The following IDH2 variants were observed in gnomAD, a reference collection of about 807,000 sequenced individuals.
IDH2 encodes isocitrate dehydrogenase [NADP], mitochondrial.
A neutral mutation model predicts 50.5 loss-of-function variants in IDH2; 18 were observed. That is an observed-to-expected ratio of 0.36 (90% CI 0.25 to 0.53). IDH2 has a LOEUF of 0.53. IDH2 is among the 20% of genes least tolerant of loss of function. The pLI is 0.92. For missense variants in IDH2, 518 were observed against 610.7 expected (o/e 0.85, Z 1.60); for synonymous variants, 280 against 239.8 (o/e 1.17, Z -1.55).
chr15:90,095,783 CAG>C (rs557032962), intron 1 of IDH2, among the ~76,000 whole-genome samples: 16 of 152,278 alleles, frequency 1.1e-4, no homozygotes, highest in South Asian at 6.2e-4. Flanking sequence ...CTACAGGTAA[CAG>C]AGAGAGAGCA....
chr15:90,102,434 G>T lies in IDH2; in HGVS notation c.-44C>A. 9.0e-7 allele frequency: 1 copy of T among 1,106,866 alleles called. No homozygotes were observed. Among genetic ancestry groups the T allele is most frequent in the Non-Finnish European group, 1.1e-6 (1 of 869,574 alleles). The allele number at this position is 1,106,866 out of a possible 1,614,324, so 68.6% of individuals were successfully genotyped here. A position where few individuals can be genotyped will look rare whatever the true frequency, so the allele number is the denominator to read the frequency against. Reference sequence around the variant, plus strand: ...CGAGCAGGGCGGGAGAGGTCCGAGCGCGCGCCGCTCCTCCCGGCTGCCTGG... The same window carrying T: ...CGAGCAGGGCGGGAGAGGTCCGAGCTCGCGCCGCTCCTCCCGGCTGCCTGG... On this transcript the variant is annotated 5_prime_UTR_variant, in exon 1 of 11. Transcript: ENST00000330062.
chr15:90,086,488 G>A (rs1034038332), intron 7 of IDH2, among the ~76,000 whole-genome samples: 2 of 152,030 alleles, frequency 1.3e-5, no homozygotes, highest in African/African-American at 4.8e-5. Context: ...CCACCTCCTG[G>A]GTTCAAGAGA....
At chr15:90,093,140 G>C (rs1302668601) in intron 1 of IDH2, among the ~76,000 whole-genome samples, 1 of 152,212 alleles carries the variant, frequency 6.6e-6, no homozygotes, top group Non-Finnish European at 1.5e-5. Flanking sequence ...GGTTGTCCAG[G>C]GGCTCCTGCC....
chr15:90,087,585 G>C lies in IDH2; in HGVS notation c.679-10C>G. 4 of 1,612,770 alleles carry C rather than the reference G, an allele frequency of 2.5e-6. No individual in the cohort carries two copies. Among genetic ancestry groups the C allele is most frequent in the Non-Finnish European group, 3.4e-6 (4 of 1,180,020 alleles). On this transcript the variant is annotated splice_polypyrimidine_tract_variant and intron_variant, in intron 5 of 10. Coordinates refer to ENST00000330062, the MANE Select transcript of IDH2 (RefSeq NM_002168.4). ...CAAAACCTGAGATGGACTGCAGGGG[G>C]AGAGACAGGGCCCTGGCGTGGTGCC...
intron 5 of IDH2, 112 bp from the exon 6 acceptor site, chr15:90,087,687 A>G (rs1393002283): frequency 8.0e-7 from 1 of 1,245,450 alleles, no homozygotes; most frequent in Non-Finnish European, 1.2e-6. Context: ...CCCGCCGCCC[A>G]CGCGACTGTT....
intron 1 of IDH2, among the ~76,000 whole-genome samples, chr15:90,092,342 CTTCCT>C (rs1901061419): frequency 1.5e-5 from 1 of 64,840 alleles, no homozygotes; most frequent in African/African-American, 3.7e-5. Flanking sequence ...TCCTTACTTA[CTTCCT>C]TTCCTTTCTT....
intron 3 of IDH2, among the ~76,000 whole-genome samples, chr15:90,090,075 C>A (rs563868059): frequency 9.2e-6 from 1 of 108,814 alleles, no homozygotes; most frequent in South Asian, 2.7e-4. Context: ...GTGACCACAT[C>A]AGCATTACCT....
intron 1 of IDH2, among the ~76,000 whole-genome samples, chr15:90,097,543 GCTAA>G (rs1197861944): frequency 1.3e-5 from 2 of 152,180 alleles, no homozygotes; most frequent in East Asian, 3.8e-4. Context: ...GGGGCATTAT[GCTAA>G]CTAAGTGAAA....
At chr15:90,094,965 G>C (rs1332611368) in intron 1 of IDH2, among the ~76,000 whole-genome samples, 1 of 152,092 alleles carries the variant, frequency 6.6e-6, no homozygotes, top group Non-Finnish European at 1.5e-5. Context: ...CAGAATACCT[G>C]TGAAAAGCAG....
Position 90,088,667 on chromosome 15 carries a change from T to C in IDH2, c.454A>G (p.Ile152Val). Reference sequence around the variant, plus strand: ...AGGCGTGGGATGTTTTTGCAGATGATGGGCTCCCGGAAGACAGTCCCCCCC... The same window carrying C: ...AGGCGTGGGATGTTTTTGCAGATGACGGGCTCCCGGAAGACAGTCCCCCCC... ...ILGGTVFREPIICKNIPRLVP... is the reference protein window; with the variant it reads ...ILGGTVFREPVICKNIPRLVP... The change falls in exon 4 of 11, where the codon ATC becomes GTC. Residue 152 changes from isoleucine to valine, a missense_variant. Coordinates refer to ENST00000330062, the MANE Select transcript of IDH2 (RefSeq NM_002168.4). 1 of 1,614,146 alleles carries C rather than the reference T, an allele frequency of 6.2e-7. No individual in the cohort carries two copies. The highest frequency in any genetic ancestry group is 8.5e-7 in the Non-Finnish European group (1 of 1,180,026).
chr15:90,084,234 C>A lies in IDH2; in HGVS notation c.*32G>T. The stretch of plus-strand genomic sequence containing the variant: ...GAGGACCCGCCGGCTCAGCCCTGGC[C>A]CCTCCACTGCAGCCATGGGTGGCGC... On this transcript the variant is annotated 3_prime_UTR_variant, in exon 11 of 11. Coordinates refer to ENST00000330062, the MANE Select transcript of IDH2 (RefSeq NM_002168.4). The surrounding 1 kb of genome is among the most constrained non-coding windows in gnomAD (Gnocchi z 5.0). 6.3e-7 allele frequency: 1 copy of A among 1,594,006 alleles called. No individual in the cohort carries two copies. Among genetic ancestry groups the A allele is most frequent in the Non-Finnish European group, 8.6e-7 (1 of 1,163,814 alleles).
chr15:90,100,469 C>G lies in IDH2; in HGVS notation c.115+1807G>C, dbSNP rs1901299614. On this transcript the variant is annotated intron_variant, in intron 1 of 10. Coordinates refer to ENST00000330062, the MANE Select transcript of IDH2 (RefSeq NM_002168.4). This position sits in a 1 kb window ranked among gnomAD's most constrained non-coding sequence, Gnocchi z 4.1. The stretch of plus-strand genomic sequence containing the variant: ...CAGAAAGATCTGCACACTTAAGGGG[C>G]AAGAATTAAGAAGTTTCTGGGTTAG... 9.1e-6 allele frequency: 2 copies of G among 220,236 alleles called. No homozygotes were observed. The highest frequency in any genetic ancestry group is 2.3e-5 in the African/African-American group (1 of 42,648). 13.6% of individuals were successfully genotyped at this position (220,236 alleles called of 1,614,324 possible). A position where few individuals can be genotyped will look rare whatever the true frequency, so the allele number is the denominator to read the frequency against.
rs1182228093 is a variant in IDH2 at position 90,087,421 on chromosome 15, A to G, written c.815+18T>C. The G allele has an allele frequency of 1.2e-6, 2 of 1,614,128 alleles. No individual in the cohort carries two copies. ...GGGAAGGGAAGAAAGGCCACAGAGT[A>G]CATGGATGAGGCTTTACTTGTCAAA... is the stretch of plus-strand genomic sequence containing the variant. On this transcript the variant is annotated intron_variant, in intron 6 of 10. Coordinates refer to ENST00000330062, the MANE Select transcript of IDH2 (RefSeq NM_002168.4).
rs2151549634 is a variant in IDH2 at position 90,088,644 on chromosome 15, G to A, written c.477C>T (p.Arg159=). The A allele has an allele frequency of 1.2e-6, 2 of 1,614,222 alleles. No individual in the cohort carries two copies. Among genetic ancestry groups the A allele is most frequent in the South Asian group, 2.2e-5 (2 of 91,088 alleles). Reference sequence around the variant, plus strand: ...TGGGCTTGGTCCAGCCAGGGACTAGGCGTGGGATGTTTTTGCAGATGATGG... The same window carrying A: ...TGGGCTTGGTCCAGCCAGGGACTAGACGTGGGATGTTTTTGCAGATGATGG... The part of the protein sequence containing the change: ...REPIICKNIP[R]LVPGWTKPIT... The change falls in exon 4 of 11, where the codon CGC becomes CGT. Residue 159 remains arginine, a synonymous_variant. Coordinates refer to ENST00000330062, the MANE Select transcript of IDH2 (RefSeq NM_002168.4).
intron 1 of IDH2, among the ~76,000 whole-genome samples, chr15:90,095,771 A>G (rs1901167702): frequency 6.6e-6 from 1 of 152,192 alleles, no homozygotes; most frequent in African/African-American, 2.4e-5. Context: ...GGAAGGGGAA[A>G]CCTACAGGTA....
rs1161119818 is a variant in IDH2, at chr15:90,083,083, C to T, written c.*1183G>A. The T allele has an allele frequency of 6.4e-5, 9 of 140,466 alleles. No individual in the cohort carries two copies. The highest frequency in any genetic ancestry group is 1.5e-5 in the Non-Finnish European group (1 of 64,542). 8.7% of individuals were successfully genotyped at this position (140,466 alleles called of 1,614,324 possible). A position where few individuals can be genotyped will look rare whatever the true frequency, so the allele number is the denominator to read the frequency against. The stretch of plus-strand genomic sequence containing the variant: ...TAGCTTTAGAGCAACTTTTATTTTT[C>T]CTTTTTACATGGGGCTAAAAAACTT... On this transcript the variant is annotated 3_prime_UTR_variant, in exon 11 of 11. Transcript: ENST00000330062.
chr15:90,097,979 G>C (rs560282051), intron 1 of IDH2, among the ~76,000 whole-genome samples: 1 of 152,192 alleles, frequency 6.6e-6, no homozygotes, highest in Non-Finnish European at 1.5e-5. Context: ...GTGCCCTCCA[G>C]TGTGGCCCAG....
chr15:90,084,717 C>T lies in IDH2; in HGVS notation c.1271+99G>A. 1 of 981,498 alleles carries T rather than the reference C, an allele frequency of 1.0e-6. No homozygotes were observed. Among genetic ancestry groups the T allele is most frequent in the Non-Finnish European group, 1.6e-6 (1 of 615,864 alleles). 60.8% of individuals were successfully genotyped at this position (981,498 alleles called of 1,614,324 possible). A position where few individuals can be genotyped will look rare whatever the true frequency, so the allele number is the denominator to read the frequency against. ...TGTGGACATGTCCTGCCCCAGGCCC[C>T]CTTGCAGCTAAGCTGACTCATGAGG... On this transcript the variant is annotated intron_variant, in intron 10 of 10. Coordinates refer to ENST00000330062, the MANE Select transcript of IDH2 (RefSeq NM_002168.4). The surrounding 1 kb of genome is among the most constrained non-coding windows in gnomAD (Gnocchi z 5.0).
At position 90,088,508 on chromosome 15, in the gene IDH2, G is replaced by A. The variant is rs760220786; in HGVS notation, c.535-6C>T. 4 of 1,614,240 alleles carry A rather than the reference G, an allele frequency of 2.5e-6. No individual in the cohort carries two copies. In the Admixed American group the frequency reaches 6.7e-5, roughly 27 times the overall value. ...ACAAAGTCTGTGGCCTTGTACTGCA[G>A]AGACAAGAGGATGGCTAGGCGAGGA... On this transcript the variant is annotated splice_polypyrimidine_tract_variant and splice_region_variant and intron_variant, in intron 4 of 10. Transcript: ENST00000330062.
Sources: allele counts gnomAD v4.1 joint callset (sites outside exome capture counted in the v4.1 genomes callset), GRCh38; gene constraint gnomAD v4.1.1; non-coding constraint Gnocchi (gnomAD v3.1); transcripts MANE v1.5; gene names NCBI Gene and HGNC (gene_info 2026-07-23, HGNC 2026-07-21).